Variants in RUFY4 observed in about 807,000 individuals in gnomAD.
RUFY4 encodes RUN and FYVE domain containing 4.
RUFY4 carries 73 observed loss-of-function variants against 69.0 expected under a neutral mutation model. The observed-to-expected ratio is 1.06, with a 90% confidence interval of 0.88 to 1.29. The LOEUF is 1.29. Among genes scored for constraint, RUFY4 ranks in the 50% most tolerant of loss-of-function variants. RUFY4 has a pLI of 0.00. For missense variants in RUFY4, 770 were observed against 705.6 expected, an observed-to-expected ratio of 1.09 and a Z score of -1.03; for synonymous variants, 287 against 271.8, an observed-to-expected ratio of 1.06 and a Z score of -0.55.
intron 3 of RUFY4, among the ~76,000 whole-genome samples, chr2:218,063,376 C>T (rs1287088902): frequency 2.6e-5 from 4 of 152,186 alleles, no homozygotes; most frequent in South Asian, 2.1e-4. Flanking sequence ...TGCCCAAGAA[C>T]AATGTGGGTG....
chr2:218,083,010 G>A, intron 8 of RUFY4, 100 bp from the exon 11 acceptor site: 1 of 1,471,364 alleles, frequency 6.8e-7, no homozygotes. Flanking sequence ...GGCATCACCA[G>A]CGTCTCCCAT....
At chr2:218,070,935 G>A in intron 2 of RUFY4, 76 bp downstream of exon 4, 2 of 1,160,838 alleles carry the variant, frequency 1.7e-6, no homozygotes, top group Admixed American at 4.7e-5. Context: ...GGAAAATCAG[G>A]GAGGAGCCAC....
intron 8 of RUFY4, among the ~76,000 whole-genome samples, chr2:218,078,520 G>C (rs1208969998): frequency 6.6e-6 from 1 of 152,194 alleles, no homozygotes; most frequent in Non-Finnish European, 1.5e-5. Context: ...GCAGGTTAGG[G>C]AGAGCCTGCG....
intron 8 of RUFY4, among the ~76,000 whole-genome samples, chr2:218,082,889 G>C (rs368093826): frequency 1.4e-5 from 1 of 69,402 alleles, no homozygotes; most frequent in Non-Finnish European, 3.3e-5. Context: ...CTTCTGTGTT[G>C]TGCGTATGTG....
chr2:218,082,388 C>T (rs910657518), intron 8 of RUFY4, among the ~76,000 whole-genome samples: 2 of 152,212 alleles, frequency 1.3e-5, no homozygotes, highest in African/African-American at 4.8e-5. Flanking sequence ...TGCCTTCCCT[C>T]CAGAGAGCTG....
chr2:218,037,025 A>G (rs1410514497), intron 2 of RUFY4, among the ~76,000 whole-genome samples: 2 of 152,200 alleles, frequency 1.3e-5, no homozygotes, highest in Admixed American at 1.3e-4. Context: ...CTACAGGTAG[A>G]TAATAAACTG....
chr2:218,047,302 A>T (rs1316131260), intron 2 of RUFY4, among the ~76,000 whole-genome samples: 1 of 152,148 alleles, frequency 6.6e-6, no homozygotes, highest in Admixed American at 6.5e-5. Context: ...TACATCACCG[A>T]GTTTTTTTAA....
intron 2 of RUFY4, among the ~76,000 whole-genome samples, chr2:218,044,533 C>T (rs1001268909): frequency 6.6e-6 from 1 of 151,894 alleles, no homozygotes. Flanking sequence ...ATTTTGTCAC[C>T]CAGATATTAA....
chr2:218,073,389 G>A lies in RUFY4; in HGVS notation c.530+3G>A. 3 of 1,590,538 alleles carry A rather than the reference G, an allele frequency of 1.9e-6. No homozygotes were observed. Among genetic ancestry groups the A allele is most frequent in the Non-Finnish European group, 2.6e-6 (3 of 1,168,276 alleles). ...GGAGCCTGGCCCATGTTCTCAGAGT[G>A]AGTGGGTGCAGCCAGGAGAGAAGTC... On this transcript the variant is annotated splice_donor_region_variant and intron_variant, in intron 5 of 10. Coordinates refer to ENST00000344321, the Ensembl canonical transcript of RUFY4.
rs1317521977 is a variant in RUFY4, at chr2:218,053,912, T to C, written c.-1157-4683T>C. ...CACCTGCCTTGGCCTCCCAAAGTGCTGGAATGACAAGCCTGAGACACCGCA... is the reference window on the plus strand; with the variant it reads ...CACCTGCCTTGGCCTCCCAAAGTGCCGGAATGACAAGCCTGAGACACCGCA... On this transcript the variant is annotated intron_variant and NMD_transcript_variant, in intron 2 of 13. Transcript: ENST00000457754. 2.0e-5 allele frequency among the ~76,000 whole-genome samples: 3 copies of C among 152,246 alleles called. No individual in the cohort carries two copies. In the East Asian group the frequency reaches 5.8e-4, roughly 29 times the overall value.
intron 3 of RUFY4, chr2:218,060,970 C>T: frequency 1.2e-6 from 1 of 815,620 alleles, no homozygotes; most frequent in Non-Finnish European, 2.2e-6. Flanking sequence ...GTGCGTGTGG[C>T]ATGGACAATG....
chr2:218,077,259 C>G (rs1004034732), intron 8 of RUFY4, among the ~76,000 whole-genome samples: 2 of 152,224 alleles, frequency 1.3e-5, no homozygotes, highest in Non-Finnish European at 2.9e-5. Context: ...CTCAGTGTCT[C>G]TCACCATCCA....
intron 2 of RUFY4, among the ~76,000 whole-genome samples, chr2:218,054,768 A>G (rs1272573175): frequency 6.6e-6 from 1 of 152,214 alleles, no homozygotes; most frequent in Admixed American, 6.5e-5. Context: ...AGATTTAAGA[A>G]AAGTTTCTCT....
chr2:218,052,314 G>A (rs1292237544), intron 2 of RUFY4, among the ~76,000 whole-genome samples: 1 of 152,190 alleles, frequency 6.6e-6, no homozygotes, highest in Admixed American at 6.5e-5. Context: ...TCTTCCTGAT[G>A]TGTCTAAATT....
At chr2:218,071,727 A>C (rs1689491467) in intron 2 of RUFY4, among the ~76,000 whole-genome samples, 1 of 151,860 alleles carries the variant, frequency 6.6e-6, no homozygotes, top group African/African-American at 2.4e-5. Flanking sequence ...TACTTATCTC[A>C]TCTGTTTGTT....
At chr2:218,062,371 A>C (rs1273047850) in intron 3 of RUFY4, among the ~76,000 whole-genome samples, 2 of 146,156 alleles carry the variant, frequency 1.4e-5, no homozygotes, top group Non-Finnish European at 3.0e-5. Context: ...GCACCACTGC[A>C]CTCCAGCTTG....
At chr2:218,035,982 T>G (rs1263125593) in intron 2 of RUFY4, among the ~76,000 whole-genome samples, 1 of 152,162 alleles carries the variant, frequency 6.6e-6, no homozygotes, top group Non-Finnish European at 1.5e-5. Flanking sequence ...CCACATGGCA[T>G]GAACCCTCAC....
chr2:218,083,048 C>A, intron 8 of RUFY4, 62 bp from the exon 11 acceptor site: 1 of 1,469,334 alleles, frequency 6.8e-7, no homozygotes, highest in Non-Finnish European at 9.0e-7. Context: ...GAGGCTCAGC[C>A]TAGCTCAGGC....
intron 2 of RUFY4, among the ~76,000 whole-genome samples, chr2:218,044,334 C>A (rs540385360): frequency 9.3e-4 from 142 of 152,324 alleles, no homozygotes; most frequent in Non-Finnish European, 1.6e-3. Context: ...AATAATAAAT[C>A]TATATATGCT....
Sources: gnomAD v4.1 joint callset for allele counts (sites outside exome capture counted in the v4.1 genomes callset) on GRCh38, gnomAD v4.1.1 for gene constraint, MANE v1.5 for transcripts, NCBI Gene and HGNC (gene_info 2026-07-23, HGNC 2026-07-21) for gene names.